Variants in SCFD1 observed in about 807,000 individuals in gnomAD.
SCFD1 encodes the protein sec1 family domain-containing protein 1.
A neutral mutation model predicts 103.2 loss-of-function variants in SCFD1; 37 were observed. The observed-to-expected ratio is 0.36, with a 90% CI of 0.28 to 0.47. SCFD1 has a LOEUF of 0.47. SCFD1 is among the 20% of genes least tolerant of loss of function. The pLI, the probability that SCFD1 is intolerant of heterozygous loss-of-function variation, is 1.00. For missense variants in SCFD1, 639 were observed against 761.2 expected (o/e 0.84, Z 1.89); for synonymous variants, 264 against 245.0 (o/e 1.08, Z -0.73).
In SCFD1 at chr14:30,705,891, T is replaced by C; in HGVS notation, c.1553+6T>C. On this transcript the variant is annotated splice_donor_region_variant and intron_variant, in intron 18 of 24. Transcript: ENST00000458591. ...ACTACCACTAAACCAATGGGGTAAG[T>C]ATTTTTAATAATTCTTTTGCATCTT... 2 of 1,608,284 alleles carry C rather than the reference T, an allele frequency of 1.2e-6. No homozygotes were observed. Among genetic ancestry groups the C allele is most frequent in the Non-Finnish European group, 1.7e-6 (2 of 1,175,204 alleles).
chr14:30,657,779 TA>T (rs2139136908), intron 10 of SCFD1, among the ~76,000 whole-genome samples: 1 of 152,306 alleles, frequency 6.6e-6, no homozygotes, highest in Non-Finnish European at 1.5e-5. Flanking sequence ...CAAGATGGAG[TA>T]AGTAAATAGT....
chr14:30,713,076 TG>T (rs1892007891), intron 19 of SCFD1, among the ~76,000 whole-genome samples: 1 of 152,206 alleles, frequency 6.6e-6, no homozygotes, highest in Non-Finnish European at 1.5e-5. Flanking sequence ...TTGATTAACC[TG>T]GTATGTAAAT....
chr14:30,665,527 A>G (rs1282502246), intron 10 of SCFD1, among the ~76,000 whole-genome samples: 1 of 152,206 alleles, frequency 6.6e-6, no homozygotes, highest in South Asian at 2.1e-4. Flanking sequence ...GACAGGATCA[A>G]ATTCACACAT....
rs534794192 is a variant in SCFD1, at chr14:30,734,525, C to A, written c.1837-265C>A. The A allele has an allele frequency of 1.6e-5, 6 of 376,942 alleles. No homozygotes were observed. The South Asian group carries it at 1.7e-4, about 11-fold the overall frequency. 23.3% of individuals were successfully genotyped at this position (376,942 alleles called of 1,614,324 possible). ...TCCTGTGAAATTTGACAGTGAGATTCCTTCTATTTTTAGTGTAATAGGAAA... is the reference window on the plus strand; with the variant it reads ...TCCTGTGAAATTTGACAGTGAGATTACTTCTATTTTTAGTGTAATAGGAAA... On this transcript the variant is annotated intron_variant, in intron 23 of 24. Transcript: ENST00000458591.
chr14:30,633,249 A>G (rs1386768919), intron 3 of SCFD1, among the ~76,000 whole-genome samples: 1 of 152,182 alleles, frequency 6.6e-6, no homozygotes, highest in Non-Finnish European at 1.5e-5. Context: ...CTCCTTGATT[A>G]TAGAAGGATG....
intron 4 of SCFD1, 54 bp downstream of exon 4, chr14:30,634,091 T>C: frequency 9.4e-7 from 1 of 1,060,974 alleles, no homozygotes; most frequent in Non-Finnish European, 1.4e-6. Context: ...GATTTTTTTT[T>C]CAAGAAAAAT....
intron 10 of SCFD1, 160 bp downstream of exon 10, chr14:30,653,748 A>G: frequency 6.3e-6 from 3 of 473,084 alleles, no homozygotes; most frequent in Non-Finnish European, 1.1e-5. Flanking sequence ...CTGGGTGTGG[A>G]TGCTGGAAAA....
chr14:30,707,303 T>C (rs1891535639), intron 18 of SCFD1, among the ~76,000 whole-genome samples: 1 of 152,228 alleles, frequency 6.6e-6, no homozygotes. Context: ...TTTAATTCCA[T>C]GTGAGAGACT....
At chr14:30,694,668 C>T in intron 14 of SCFD1, 105 bp from the exon 15 acceptor site, 2 of 1,388,646 alleles carry the variant, frequency 1.4e-6, no homozygotes, top group Non-Finnish European at 1.9e-6. Flanking sequence ...TCTGAAAGAA[C>T]ATATCTTAAA....
At chr14:30,680,110 T>C (rs967271497) in intron 14 of SCFD1, among the ~76,000 whole-genome samples, 1 of 152,254 alleles carries the variant, frequency 6.6e-6, no homozygotes, top group African/African-American at 2.4e-5. Flanking sequence ...AAAAAAAATA[T>C]GTATGAAATC....
At position 30,722,478 on chromosome 14, in the gene SCFD1, TCTGTTTGCA is replaced by T; in HGVS notation, c.1771-15_1771-7del. ...AAAAACTGTGTTTTTTTTTTTTTAA[TCTGTTTGCA>T]TTTTAGGCCATTGTTTTTGTGGTGG... is the stretch of plus-strand genomic sequence containing the variant. On this transcript the variant is annotated splice_region_variant and splice_polypyrimidine_tract_variant and intron_variant, in intron 22 of 24. Coordinates refer to ENST00000458591, the MANE Select transcript of SCFD1 (RefSeq NM_016106.4). The T allele has an allele frequency of 6.5e-7, 1 of 1,535,184 alleles. No homozygotes were observed. The highest frequency in any genetic ancestry group is 8.8e-7 in the Non-Finnish European group (1 of 1,130,258).
intron 19 of SCFD1, among the ~76,000 whole-genome samples, chr14:30,713,267 G>C (rs1892023099): frequency 6.6e-6 from 1 of 152,264 alleles, no homozygotes; most frequent in East Asian, 1.9e-4. Context: ...CTCTGTACTT[G>C]AAGCTTCCAT....
intron 17 of SCFD1, among the ~76,000 whole-genome samples, chr14:30,704,103 A>G (rs1472665199): frequency 2.0e-5 from 3 of 151,624 alleles, no homozygotes; most frequent in Non-Finnish European, 2.9e-5. Context: ...GTCAGTGTGG[A>G]ATTTTCTCAT....
At chr14:30,673,377 T>C (rs1246837605) in intron 12 of SCFD1, 30 bp downstream of exon 12, 2 of 1,228,990 alleles carry the variant, frequency 1.6e-6, no homozygotes, top group Non-Finnish European at 2.4e-6. Flanking sequence ...CTAAGAATTA[T>C]AGGAAAGAGG....
At chr14:30,673,802 A>G (rs931888549) in intron 12 of SCFD1, 122 bp from the exon 13 acceptor site, 1 of 685,812 alleles carries the variant, frequency 1.5e-6, no homozygotes, top group African/African-American at 1.8e-5. Flanking sequence ...ATTCTAGGTG[A>G]CTTAAAAATC....
intron 23 of SCFD1, 91 bp downstream of exon 23, chr14:30,722,650 A>G (rs1892731533): frequency 6.0e-6 from 4 of 665,114 alleles, no homozygotes; most frequent in Non-Finnish European, 9.8e-6. Flanking sequence ...ATCCTTCTAT[A>G]ACTTCTTTTC....
chr14:30,673,799 G>GACATC lies in SCFD1; in HGVS notation c.1087-125_1087-124insACATC, dbSNP rs750837905. The GACATC allele has an allele frequency of 9.3e-5, 63 of 677,022 alleles. 1 individual carries two copies. Among genetic ancestry groups the GACATC allele is most frequent in the Non-Finnish European group, 1.6e-5 (6 of 377,382 alleles). The allele number at this position is 677,022 out of a possible 1,614,324, so 41.9% of individuals were successfully genotyped here. On this transcript the variant is annotated intron_variant, in intron 12 of 24. Coordinates refer to ENST00000458591, the MANE Select transcript of SCFD1 (RefSeq NM_016106.4). ...CAGAGGAGGAGAATTACTATTCTAG[G>GACATC]TGACTTAAAAATCTTACGGTATATC...
chr14:30,632,161 G>T (rs766882789), intron 3 of SCFD1, among the ~76,000 whole-genome samples: 1 of 150,524 alleles, frequency 6.6e-6, no homozygotes, highest in East Asian at 1.9e-4. Flanking sequence ...TAAGCTATTT[G>T]CATTTTGTTC....
intron 19 of SCFD1, among the ~76,000 whole-genome samples, chr14:30,708,426 T>C (rs1891628522): frequency 6.6e-6 from 1 of 152,180 alleles, no homozygotes. Flanking sequence ...TATTTGGTTT[T>C]CTGTTCCTGA....
Sources: allele counts gnomAD v4.1 joint callset (sites outside exome capture counted in the v4.1 genomes callset), GRCh38; gene constraint gnomAD v4.1.1; transcripts MANE v1.5; gene names NCBI Gene and HGNC (gene_info 2026-07-23, HGNC 2026-07-21).